Variants in FARS2 observed in about 807,000 individuals in gnomAD.
The protein encoded by FARS2 is phenylalanine--tRNA ligase, mitochondrial.
FARS2 carries 40 observed loss-of-function variants against 46.4 expected under a neutral mutation model. The observed-to-expected ratio is 0.86, with a 90% CI of 0.67 to 1.12. The LOEUF (loss-of-function observed/expected upper bound fraction) is 1.12, where lower values mean the gene tolerates loss of function less well. Among genes scored for constraint, FARS2 ranks in the 50% most tolerant of loss-of-function variants. The pLI, the probability that FARS2 is intolerant of heterozygous loss-of-function variation, is 0.00. For synonymous variants in FARS2, 234 were observed against 214.9 expected (o/e 1.09, Z -0.78); for missense variants, 513 against 567.9 (o/e 0.90, Z 0.98).
intron 4 of FARS2, among the ~76,000 whole-genome samples, chr6:5,483,128 C>T (rs1241953686): frequency 1.3e-5 from 2 of 152,192 alleles, no homozygotes; most frequent in African/African-American, 4.8e-5. Context: ...ATAGATACCC[C>T]AAACTGCTGG....
intron 1 of FARS2, among the ~76,000 whole-genome samples, chr6:5,308,155 C>T (rs1768848941): frequency 1.3e-5 from 2 of 151,862 alleles, no homozygotes; most frequent in South Asian, 4.1e-4. Context: ...ATGCCACATG[C>T]AAAGGCCTCA....
At chr6:5,731,180 A>G (rs1760600401) in intron 6 of FARS2, among the ~76,000 whole-genome samples, 1 of 152,192 alleles carries the variant, frequency 6.6e-6, no homozygotes, top group Non-Finnish European at 1.5e-5. Context: ...AAAGAGGCAT[A>G]AAGAAACTGG....
chr6:5,353,908 G>A (rs1202852019), intron 1 of FARS2, among the ~76,000 whole-genome samples: 4 of 150,238 alleles, frequency 2.7e-5, no homozygotes, highest in African/African-American at 4.9e-5. Context: ...AAGGCAGAAG[G>A]ACAAACCAGG....
At chr6:5,707,202 A>G (rs1401056863) in intron 6 of FARS2, among the ~76,000 whole-genome samples, 1 of 151,678 alleles carries the variant, frequency 6.6e-6, no homozygotes, top group East Asian at 2.0e-4. Flanking sequence ...AGTTAGCAGC[A>G]TGGACCTACC....
chr6:5,600,202 C>T (rs1774430493), intron 5 of FARS2, among the ~76,000 whole-genome samples: 1 of 152,106 alleles, frequency 6.6e-6, no homozygotes, highest in African/African-American at 2.4e-5. Flanking sequence ...TACAAGGTTA[C>T]CAGAATGATT....
chr6:5,618,126 C>A (rs185189258), intron 6 of FARS2, among the ~76,000 whole-genome samples: 1 of 152,172 alleles, frequency 6.6e-6, no homozygotes, highest in Non-Finnish European at 1.5e-5. Flanking sequence ...GCTTTGACTA[C>A]AATATCAGAC....
intron 5 of FARS2, among the ~76,000 whole-genome samples, chr6:5,593,376 A>G (rs1774029987): frequency 6.6e-6 from 1 of 151,964 alleles, no homozygotes; most frequent in Non-Finnish European, 1.5e-5. Context: ...TTCACAGTGC[A>G]GGGGCAAAGT....
chr6:5,745,538 G>A (rs1015930293), intron 6 of FARS2, among the ~76,000 whole-genome samples: 3 of 152,118 alleles, frequency 2.0e-5, no homozygotes, highest in Admixed American at 6.5e-5. Flanking sequence ...TAAATCAATC[G>A]ATGAGTCTTT....
At chr6:5,443,240 T>C (rs181843219) in intron 4 of FARS2, among the ~76,000 whole-genome samples, 1 of 152,360 alleles carries the variant, frequency 6.6e-6, no homozygotes, top group Admixed American at 6.5e-5. Context: ...GTAGAAGCTG[T>C]TGGCACAGTT....
chr6:5,429,953 T>A (rs1055822122), intron 3 of FARS2, among the ~76,000 whole-genome samples: 3 of 151,912 alleles, frequency 2.0e-5, no homozygotes, highest in African/African-American at 7.3e-5. Flanking sequence ...TTCCCGAATC[T>A]ATGAAATGGG....
chr6:5,253,549 C>T, the FARS2 span, among the ~76,000 whole-genome samples: 3 of 151,982 alleles, frequency 2.0e-5, no homozygotes, highest in Admixed American at 6.6e-5. Flanking sequence ...AAAGCTGCAG[C>T]GACAACTTGC....
At chr6:5,662,843 C>G (rs571062240) in intron 6 of FARS2, among the ~76,000 whole-genome samples, 25 of 152,108 alleles carry the variant, frequency 1.6e-4, no homozygotes, top group Non-Finnish European at 2.8e-4. Flanking sequence ...TTTCTTTGTG[C>G]CCCAGTTTAC....
rs144983643 is a variant in FARS2, at chr6:5,745,430, T to C, written c.1218-25861T>C. Among the ~76,000 whole-genome samples the C allele has an allele frequency of 3.7e-3, 563 of 152,376 alleles. 3 individuals carry two copies. Among genetic ancestry groups the C allele is most frequent in the Middle Eastern group, 0.014 (4 of 294 alleles). On this transcript the variant is annotated intron_variant, in intron 6 of 6. Transcript: ENST00000274680. ...ATAGATAAATACCAATTTCTGTTTG[T>C]GTATATCTCTTGTAATTGATTCTTT...
intron 1 of FARS2, among the ~76,000 whole-genome samples, chr6:5,283,916 A>G (rs1360534091): frequency 6.6e-6 from 1 of 152,230 alleles, no homozygotes; most frequent in Admixed American, 6.5e-5. Context: ...TTGCACACAT[A>G]CAAACAGGTA....
In FARS2 at chr6:5,359,039, T is replaced by G. The variant is rs1009461416; in HGVS notation, c.-21-9511T>G. Among the ~76,000 whole-genome samples, 8 of 133,952 alleles carry G rather than the reference T, an allele frequency of 6.0e-5. 1 individual carries two copies. The highest frequency in any genetic ancestry group is 2.0e-4 in the African/African-American group (7 of 34,832). 87.9% of individuals were successfully genotyped at this position (133,952 alleles called of 152,430 possible). A position where few individuals can be genotyped will look rare whatever the true frequency, so the allele number is the denominator to read the frequency against. On this transcript the variant is annotated intron_variant, in intron 1 of 6. Coordinates refer to ENST00000274680, the MANE Select transcript of FARS2 (RefSeq NM_006567.5). ...GTGATGAAAAGATACCCTTTTTTTT[T>G]TTTTTTTTTTTTTTTTTTGATATGG...
intron 1 of FARS2, among the ~76,000 whole-genome samples, chr6:5,262,983 C>T (rs1222529236): frequency 6.6e-6 from 1 of 152,146 alleles, no homozygotes; most frequent in African/African-American, 2.4e-5. Flanking sequence ...TCTTGATACA[C>T]TATTGTGTGC....
intron 4 of FARS2, among the ~76,000 whole-genome samples, chr6:5,504,455 A>T (rs1375021886): frequency 6.6e-6 from 1 of 151,582 alleles, no homozygotes; most frequent in African/African-American, 2.4e-5. Flanking sequence ...AAAAAAAAAA[A>T]AAAGAATTGA....
intron 6 of FARS2, among the ~76,000 whole-genome samples, chr6:5,661,220 A>G (rs1777839524): frequency 6.6e-6 from 1 of 152,262 alleles, no homozygotes; most frequent in Non-Finnish European, 1.5e-5. Flanking sequence ...TGATGCTGCC[A>G]TTGTTGTTAA....
chr6:5,689,070 T>C (rs887595032), intron 6 of FARS2, among the ~76,000 whole-genome samples: 1 of 152,136 alleles, frequency 6.6e-6, no homozygotes, highest in African/African-American at 2.4e-5. Context: ...TTTTTTATTG[T>C]GTCTATTTGA....
Sources: gnomAD v4.1 joint callset for allele counts (sites outside exome capture counted in the v4.1 genomes callset) on GRCh38, gnomAD v4.1.1 for gene constraint, MANE v1.5 for transcripts, NCBI Gene and HGNC (gene_info 2026-07-23, HGNC 2026-07-21) for gene names.